TRIM14: variants seen among roughly 807,000 people sequenced by gnomAD.
TRIM14 encodes tripartite motif-containing protein 14.
A neutral mutation model predicts 44.5 loss-of-function variants in TRIM14; 28 were observed. The ratio of observed to expected loss-of-function variants is 0.63; its 90% CI spans 0.47 to 0.86. The LOEUF (loss-of-function observed/expected upper bound fraction) is 0.86. Among genes scored for constraint, TRIM14 ranks in the 40% least tolerant of loss-of-function variants. TRIM14 has a pLI of 0.00. For missense variants in TRIM14, 607 were observed against 611.1 expected (o/e 0.99, Z 0.07); for synonymous variants, 299 against 269.2 (o/e 1.11, Z -1.08).
the TRIM14 span, among the ~76,000 whole-genome samples, chr9:98,056,408 C>G: frequency 6.7e-6 from 1 of 148,508 alleles, no homozygotes; most frequent in African/African-American, 2.6e-5. Flanking sequence ...AGGGCGCGCT[C>G]TCCCCATGCT....
chr9:98,105,706 C>T (rs1274027785), intron 2 of TRIM14, among the ~76,000 whole-genome samples: 1 of 152,196 alleles, frequency 6.6e-6, no homozygotes, highest in Admixed American at 6.6e-5. Context: ...GGAGTGGAGC[C>T]AGAGGTGCAT....
the TRIM14 span, among the ~76,000 whole-genome samples, chr9:98,043,405 G>A: frequency 6.6e-6 from 1 of 152,114 alleles, no homozygotes; most frequent in Non-Finnish European, 1.5e-5. Context: ...GACCTCAGGT[G>A]ATCTGCCCAC....
chr9:98,066,652 G>A (rs1829156370), downstream of TRIM14, among the ~76,000 whole-genome samples: 2 of 141,722 alleles, frequency 1.4e-5, no homozygotes, highest in African/African-American at 2.6e-5. Context: ...ACCACTTACC[G>A]ATTTTTTTTT....
At chr9:98,109,862 G>A in intron 2 of TRIM14, 27 bp downstream of exon 2, 1 of 1,580,342 alleles carries the variant, frequency 6.3e-7, no homozygotes, top group Non-Finnish European at 8.7e-7. Context: ...GTCTTTCCAT[G>A]GGTATGAGGA....
At chr9:98,053,801 C>CG in the TRIM14 span, among the ~76,000 whole-genome samples, 7 of 48,022 alleles carry the variant, frequency 1.5e-4, no homozygotes, top group African/African-American at 9.2e-4. Context: ...AAGCCCACTA[C>CG]AAAATAAATA....
At chr9:98,038,742 T>A in the TRIM14 span, among the ~76,000 whole-genome samples, 10 of 152,246 alleles carry the variant, frequency 6.6e-5, no homozygotes, top group Middle Eastern at 3.4e-3. Flanking sequence ...CACCCCAGAA[T>A]GTGAAGGCCA....
chr9:98,059,527 C>A, the TRIM14 span, among the ~76,000 whole-genome samples: 1 of 152,054 alleles, frequency 6.6e-6, no homozygotes, highest in Admixed American at 6.6e-5. Flanking sequence ...CGATCCTCCC[C>A]CCTCAGCCTC....
In TRIM14 at chr9:98,090,133, C is replaced by T. The variant is rs76729902; in HGVS notation, c.793+1776G>A. 4.3e-3 allele frequency among the ~76,000 whole-genome samples: 656 copies of T among 151,598 alleles called. 2 individuals are homozygous for T. Among genetic ancestry groups the T allele is most frequent in the African/African-American group, 0.015 (613 of 41,252 alleles). On this transcript the variant is annotated intron_variant, in intron 5 of 5. Transcript: ENST00000341469. Reference sequence around the variant, plus strand: ...ATGTAGTAGACAGTAACTCAAGGCACGAAAAAGAAGTGAAAGGAAAGAATA... The same window carrying T: ...ATGTAGTAGACAGTAACTCAAGGCATGAAAAAGAAGTGAAAGGAAAGAATA...
the TRIM14 span, among the ~76,000 whole-genome samples, chr9:98,058,960 A>G: frequency 6.6e-6 from 1 of 151,980 alleles, no homozygotes; most frequent in Non-Finnish European, 1.5e-5. Flanking sequence ...TGACTCTACC[A>G]TCTTATGATT....
At chr9:98,111,056 C>CG (rs1826835036) in intron 1 of TRIM14, among the ~76,000 whole-genome samples, 1 of 150,506 alleles carries the variant, frequency 6.6e-6, no homozygotes, top group Non-Finnish European at 1.5e-5. Context: ...TGTCCCCCCC[C>CG]CCAAAAAAAA....
the TRIM14 span, among the ~76,000 whole-genome samples, chr9:98,037,971 C>A: frequency 6.6e-6 from 1 of 152,170 alleles, no homozygotes; most frequent in African/African-American, 2.4e-5. Flanking sequence ...CTCAAGCAAT[C>A]CTCATGGCCT....
At chr9:98,092,216 C>T (rs572900510) in intron 4 of TRIM14, among the ~76,000 whole-genome samples, 1 of 152,280 alleles carries the variant, frequency 6.6e-6, no homozygotes, top group East Asian at 1.9e-4. Context: ...GAGGCGCGAA[C>T]AACTACTGGA....
chr9:98,065,600 A>G (rs1467039254), downstream of TRIM14, among the ~76,000 whole-genome samples: 1 of 148,282 alleles, frequency 6.7e-6, no homozygotes, highest in Non-Finnish European at 1.5e-5. Context: ...TGGCCTCCCA[A>G]AGTGTTAGGA....
chr9:98,060,784 G>A, the TRIM14 span: 3 of 1,614,174 alleles, frequency 1.9e-6, no homozygotes, highest in Non-Finnish European at 2.5e-6. Flanking sequence ...TGTTGTAGGA[G>A]TGTGGGGCTG....
At chr9:98,043,888 A>C in the TRIM14 span, among the ~76,000 whole-genome samples, 1 of 152,128 alleles carries the variant, frequency 6.6e-6, no homozygotes, top group Admixed American at 6.6e-5. Context: ...TTGTGCACAA[A>C]GACCATAATA....
At position 98,095,232 on chromosome 9, in the gene TRIM14, G is replaced by A. The variant is rs550969716; in HGVS notation, c.538-203C>T. ...TCCCTGAGGTGGGAGCCATGCGGAG[G>A]TGCGGTTTTTCAGTGCTGGCACTGG... On this transcript the variant is annotated intron_variant, in intron 3 of 5. Transcript: ENST00000341469. This position sits in a 1 kb window ranked among gnomAD's most constrained non-coding sequence, Gnocchi z 4.1. 1.3e-5 allele frequency among the ~76,000 whole-genome samples: 2 copies of A among 152,360 alleles called. No individual in the cohort carries two copies. The highest frequency in any genetic ancestry group is 1.3e-4 in the Admixed American group (2 of 15,306).
At chr9:98,075,760 C>T (rs951047475) in intron 6 of TRIM14, 6 of 152,116 alleles carry the variant, frequency 3.9e-5, no homozygotes, top group African/African-American at 1.4e-4. Flanking sequence ...TACTCTTGTG[C>T]TGATGGTAGC....
At chr9:98,088,152 G>C (rs1825865725) in intron 5 of TRIM14, 147 bp from the exon 6 acceptor site, 1 of 879,850 alleles carries the variant, frequency 1.1e-6, no homozygotes, top group Non-Finnish European at 1.6e-6. Flanking sequence ...TTTAAACCGC[G>C]ACTGCCCCTG....
chr9:98,087,723 C>A lies in TRIM14; in HGVS notation c.1076G>T (p.Arg359Leu), dbSNP rs745561512. 1.3e-6 allele frequency: 2 copies of A among 1,591,294 alleles called. No homozygotes were observed. Among genetic ancestry groups the A allele is most frequent in the East Asian group, 2.3e-5 (1 of 44,370 alleles). ...GTAGCGCTTGAGGCACCAGGACTGGCGGTTGCAGCCCAGGCGGGCGGCGGC... is the reference window on the plus strand; with the variant it reads ...GTAGCGCTTGAGGCACCAGGACTGGAGGTTGCAGCCCAGGCGGGCGGCGGC... Reference protein sequence around the residue: ...ASAAARLGCNRQSWCLKRYDL... With the variant: ...ASAAARLGCNLQSWCLKRYDL... Residue 359 changes from arginine to leucine, a missense_variant, in exon 6 of 6, where the codon CGC (arginine) becomes CTC (leucine). Around this residue, in one of 3 missense-constraint regions of TRIM14, gnomAD observed 356 missense variants for 323.0 expected, o/e 1.10. Transcript: ENST00000341469.
Sources: allele counts gnomAD v4.1 joint callset (sites outside exome capture counted in the v4.1 genomes callset), GRCh38; gene constraint gnomAD v4.1.1; regional missense constraint gnomAD v4.1.1; non-coding constraint Gnocchi (gnomAD v3.1); transcripts MANE v1.5; gene names NCBI Gene and HGNC (gene_info 2026-07-23, HGNC 2026-07-21).